The following CELF2 variants were observed in gnomAD, a reference collection of about 807,000 sequenced individuals.
CELF2 encodes the protein CUG triplet repeat RNA-binding protein 2.
In CELF2, 8 loss-of-function variants were observed where a neutral mutation model predicts 62.6. The ratio of observed to expected loss-of-function variants is 0.13; its 90% CI spans 0.07 to 0.23. CELF2 has a LOEUF of 0.23. Ranked by LOEUF, CELF2 falls within the 10% of genes least tolerant of loss-of-function variation. CELF2 has a pLI of 1.00. For missense variants in CELF2, 333 were observed against 671.0 expected (o/e 0.50, Z 5.56); for synonymous variants, 258 against 250.0 (o/e 1.03, Z -0.30).
chr10:10,593,805 C>T, the CELF2 span, among the ~76,000 whole-genome samples: 36,769 of 152,164 alleles, frequency 0.24, 4,964 homozygotes, highest in South Asian at 0.51. Context: ...AATCTTGGCT[C>T]CACCACATTC....
At chr10:10,773,731 C>A in the CELF2 span, among the ~76,000 whole-genome samples, 1 of 152,222 alleles carries the variant, frequency 6.6e-6, no homozygotes, top group Non-Finnish European at 1.5e-5. Context: ...GCCCAGCCCT[C>A]CATGCTCCAC....
At position 11,290,985 on chromosome 10, in the gene CELF2, T is replaced by G. The variant is rs942131482; in HGVS notation, c.976+2433T>G. On this transcript the variant is annotated intron_variant, in intron 9 of 12. Transcript: ENST00000633077. The surrounding 1 kb of genome is among the most constrained non-coding windows in gnomAD (Gnocchi z 4.3). ...TTTTGAAAGTCACAGAAAATGTGGTTAGTAGAATTCATGAATCTCCACTTC... is the reference window on the plus strand; with the variant it reads ...TTTTGAAAGTCACAGAAAATGTGGTGAGTAGAATTCATGAATCTCCACTTC... 2.0e-5 allele frequency among the ~76,000 whole-genome samples: 3 copies of G among 152,358 alleles called. No individual in the cohort carries two copies. The highest frequency in any genetic ancestry group is 4.4e-5 in the Non-Finnish European group (3 of 68,036).
At chr10:11,064,131 A>C (rs1346824459) in intron 1 of CELF2, among the ~76,000 whole-genome samples, 1 of 152,186 alleles carries the variant, frequency 6.6e-6, no homozygotes, top group African/African-American at 2.4e-5. Flanking sequence ...TGTTTCGGGC[A>C]AAAGATTGAG....
chr10:11,022,233 C>T (rs182399999), intron 1 of CELF2, among the ~76,000 whole-genome samples: 1 of 152,216 alleles, frequency 6.6e-6, no homozygotes, highest in African/African-American at 2.4e-5. Context: ...GAGATTGCTC[C>T]GTTAACAGCA....
intron 2 of CELF2, among the ~76,000 whole-genome samples, chr10:11,189,321 A>ATATG (rs1490785056): frequency 6.6e-6 from 1 of 152,188 alleles, no homozygotes; most frequent in African/African-American, 2.4e-5. Flanking sequence ...CTCTTCACAT[A>ATATG]TATGTATCTT....
the CELF2 span, among the ~76,000 whole-genome samples, chr10:10,526,022 G>A: frequency 2.0e-5 from 3 of 152,304 alleles, no homozygotes; most frequent in Non-Finnish European, 2.9e-5. Flanking sequence ...TAACGGGTGC[G>A]AGGTGATAGC....
the CELF2 span, among the ~76,000 whole-genome samples, chr10:10,751,130 T>C: frequency 6.6e-6 from 1 of 152,246 alleles, no homozygotes; most frequent in South Asian, 2.1e-4. Flanking sequence ...TAGCTCCTTT[T>C]CTGAGAAATA....
intron 1 of CELF2, among the ~76,000 whole-genome samples, chr10:10,913,913 C>T (rs114470563): frequency 0.12 from 8,601 of 72,244 alleles, 689 homozygotes; most frequent in African/African-American, 0.3. Flanking sequence ...GAGGGACGGA[C>T]GGGGCAGGGG....
At chr10:10,821,623 C>T (rs189647263) in intron 1 of CELF2, among the ~76,000 whole-genome samples, 55 of 152,206 alleles carry the variant, frequency 3.6e-4, no homozygotes, top group East Asian at 3.5e-3. Context: ...CAGGGCTTAC[C>T]ACAGTTGCTG....
chr10:11,029,007 C>T (rs1205674394), intron 1 of CELF2, among the ~76,000 whole-genome samples: 3 of 152,200 alleles, frequency 2.0e-5, no homozygotes. Flanking sequence ...AGTCACTGCA[C>T]CTGGCCAAGG....
chr10:10,596,479 G>A, the CELF2 span, among the ~76,000 whole-genome samples: 1 of 152,146 alleles, frequency 6.6e-6, no homozygotes, highest in African/African-American at 2.4e-5. Flanking sequence ...TGCCATGGTG[G>A]GTGGGTAGCA....
rs189418548 is a variant in CELF2, at chr10:11,024,062, T to A, written c.74+5899T>A. Among the ~76,000 whole-genome samples the A allele has an allele frequency of 3.7e-3, 557 of 152,312 alleles. 5 individuals carry two copies. Among genetic ancestry groups the A allele is most frequent in the Admixed American group, 6.1e-3 (94 of 15,300 alleles). On this transcript the variant is annotated intron_variant, in intron 1 of 12. Transcript: ENST00000633077. ...TCCTAAAGATTTATGTAAATTAAGTTTAGGCTGTATTTAAACTATCAGGTC... is the reference window on the plus strand; with the variant it reads ...TCCTAAAGATTTATGTAAATTAAGTATAGGCTGTATTTAAACTATCAGGTC...
intron 1 of CELF2, among the ~76,000 whole-genome samples, chr10:11,123,101 C>T (rs1181301024): frequency 6.6e-6 from 1 of 152,186 alleles, no homozygotes; most frequent in African/African-American, 2.4e-5. Context: ...AGTCTCCCAG[C>T]TCTCCAGTTG....
At chr10:10,735,147 C>T in the CELF2 span, among the ~76,000 whole-genome samples, 1 of 152,134 alleles carries the variant, frequency 6.6e-6, no homozygotes, top group African/African-American at 2.4e-5. Context: ...TGAGAATGCA[C>T]CCCATAGGAA....
intron 1 of CELF2, among the ~76,000 whole-genome samples, chr10:10,896,358 A>C (rs2134007024): frequency 6.6e-6 from 1 of 152,284 alleles, no homozygotes; most frequent in South Asian, 2.1e-4. Context: ...ATAAAAATAT[A>C]AACAGGTTAA....
chr10:11,177,081 G>A lies in CELF2; in HGVS notation c.271+11399G>A, dbSNP rs1488957900. ...CCTATATAGGGTGGCTCATTTGGAC[G>A]AAGTATTGTTAAGGTGGTTATTAGA... On this transcript the variant is annotated intron_variant, in intron 2 of 12. Coordinates refer to ENST00000633077, the MANE Select transcript of CELF2 (RefSeq NM_001326342.2). The surrounding 1 kb of genome is among the most constrained non-coding windows in gnomAD (Gnocchi z 4.8). 1.3e-5 allele frequency among the ~76,000 whole-genome samples: 2 copies of A among 152,142 alleles called. No individual in the cohort carries two copies. The highest frequency in any genetic ancestry group is 2.4e-5 in the African/African-American group (1 of 41,426).
chr10:10,896,606 G>A (rs2062570689), intron 1 of CELF2, among the ~76,000 whole-genome samples: 1 of 152,000 alleles, frequency 6.6e-6, no homozygotes, highest in Admixed American at 6.6e-5. Context: ...GAAAAGGACA[G>A]GTGACAACAG....
chr10:11,284,165 G>A (rs1316125882), intron 8 of CELF2, among the ~76,000 whole-genome samples: 1 of 99,724 alleles, frequency 1.0e-5, no homozygotes, highest in Non-Finnish European at 2.1e-5. Context: ...GGATGAGTGC[G>A]TGGTGGGTGG....
chr10:11,147,355 G>C (rs2062463487), intron 1 of CELF2, among the ~76,000 whole-genome samples: 1 of 152,154 alleles, frequency 6.6e-6, no homozygotes, highest in Non-Finnish European at 1.5e-5. Flanking sequence ...CCAGTGTCTG[G>C]ACAAGTCAAA....
Sources: allele counts gnomAD v4.1 joint callset (sites outside exome capture counted in the v4.1 genomes callset), GRCh38; gene constraint gnomAD v4.1.1; non-coding constraint Gnocchi (gnomAD v3.1); transcripts MANE v1.5; gene names NCBI Gene and HGNC (gene_info 2026-07-23, HGNC 2026-07-21).